DHX15: variants seen among roughly 807,000 people sequenced by gnomAD.
The protein encoded by DHX15 is ATP-dependent RNA helicase DHX15.
A neutral mutation model predicts 94.4 loss-of-function variants in DHX15; 11 were observed. That is an observed-to-expected ratio of 0.12 (90% CI 0.07 to 0.19). DHX15 has a LOEUF of 0.19. DHX15 is among the 10% of genes least tolerant of loss of function. The pLI is 1.00. For missense variants in DHX15, 304 were observed against 988.5 expected, an observed-to-expected ratio of 0.31 and a Z score of 9.29; for synonymous variants, 338 against 329.9, an observed-to-expected ratio of 1.02 and a Z score of -0.27.
chr4:24,546,306 C>G (rs567746057), intron 6 of DHX15, among the ~76,000 whole-genome samples: 3 of 152,302 alleles, frequency 2.0e-5, no homozygotes, highest in African/African-American at 7.2e-5. Flanking sequence ...GCAATGTATG[C>G]TCTGAACCAT....
At chr4:24,549,868 C>T (rs779448759) in intron 5 of DHX15, among the ~76,000 whole-genome samples, 2 of 151,684 alleles carry the variant, frequency 1.3e-5, no homozygotes, top group African/African-American at 2.4e-5. Flanking sequence ...CCGAGGTGGG[C>T]GGATCACCTG....
intron 5 of DHX15, among the ~76,000 whole-genome samples, chr4:24,549,667 A>C (rs1721542253): frequency 6.6e-6 from 1 of 152,204 alleles, no homozygotes; most frequent in Non-Finnish European, 1.5e-5. Context: ...CACGAACCTA[A>C]ACTGTATAGC....
intron 4 of DHX15, 71 bp downstream of exon 4, chr4:24,556,180 A>G: frequency 8.1e-7 from 1 of 1,240,932 alleles, no homozygotes; most frequent in Admixed American, 2.0e-5. Context: ...GTTATTGATC[A>G]GTATGTATTC....
At chr4:24,552,313 G>A (rs1182309945) in intron 5 of DHX15, among the ~76,000 whole-genome samples, 5 of 151,528 alleles carry the variant, frequency 3.3e-5, no homozygotes, top group Admixed American at 2.6e-4. Flanking sequence ...AATTAATCTG[G>A]ACCTTACCAA....
intron 3 of DHX15, among the ~76,000 whole-genome samples, chr4:24,560,986 TG>T (rs1721862579): frequency 6.6e-6 from 1 of 152,220 alleles, no homozygotes; most frequent in Non-Finnish European, 1.5e-5. Flanking sequence ...TCCTTACTGG[TG>T]AGAGTATATA....
At chr4:24,540,726 C>T in intron 9 of DHX15, 114 bp downstream of exon 9, 1 of 584,394 alleles carries the variant, frequency 1.7e-6, no homozygotes, top group Non-Finnish European at 3.0e-6. Flanking sequence ...TTGATGCATA[C>T]TGGATGGAAA....
At chr4:24,570,891 A>G (rs986017731) in intron 2 of DHX15, 44 bp from the exon 3 acceptor site, 2 of 1,581,074 alleles carry the variant, frequency 1.3e-6, no homozygotes, top group Non-Finnish European at 8.7e-7. Flanking sequence ...TTCTGCCTGC[A>G]TATCAAGTAT....
chr4:24,579,064 T>C (rs1008095107), intron 1 of DHX15, among the ~76,000 whole-genome samples: 1 of 152,200 alleles, frequency 6.6e-6, no homozygotes, highest in East Asian at 1.9e-4. Flanking sequence ...AAACAAAGGA[T>C]GTATAAAATA....
intron 11 of DHX15, chr4:24,534,266 G>A (rs1220817421): frequency 6.6e-6 from 1 of 152,148 alleles, no homozygotes; most frequent in Admixed American, 6.5e-5. Flanking sequence ...CTGATGCTCT[G>A]TAACAAGCTG....
chr4:24,544,588 T>C (rs1180189801), intron 6 of DHX15, among the ~76,000 whole-genome samples: 1 of 152,206 alleles, frequency 6.6e-6, no homozygotes. Flanking sequence ...GAAACTTGAA[T>C]AAGCATAACC....
intron 6 of DHX15, among the ~76,000 whole-genome samples, chr4:24,547,794 A>G (rs1171145714): frequency 6.6e-6 from 1 of 151,062 alleles, no homozygotes; most frequent in Non-Finnish European, 1.5e-5. Context: ...TGTTTAAAAA[A>G]AAAAAAAAAT....
chr4:24,531,525 C>T (rs1314362463), intron 12 of DHX15, among the ~76,000 whole-genome samples: 2 of 151,094 alleles, frequency 1.3e-5, no homozygotes, highest in African/African-American at 4.9e-5. Context: ...TCAGCCTGGG[C>T]AACGTGGCGA....
At chr4:24,566,123 A>G (rs1283279614) in intron 3 of DHX15, among the ~76,000 whole-genome samples, 3 of 151,448 alleles carry the variant, frequency 2.0e-5, no homozygotes, top group Non-Finnish European at 2.9e-5. Flanking sequence ...AGCTCACCTC[A>G]GTCTCAAACT....
chr4:24,538,222 C>G (rs755893776), intron 10 of DHX15: 12 of 152,112 alleles, frequency 7.9e-5, no homozygotes, highest in Admixed American at 3.3e-4. Context: ...TGAAAAAATT[C>G]ATAAATTATC....
At chr4:24,534,938 A>G (rs1446002705) in intron 11 of DHX15, among the ~76,000 whole-genome samples, 1 of 146,386 alleles carries the variant, frequency 6.8e-6, no homozygotes, top group Non-Finnish European at 1.5e-5. Flanking sequence ...ACACGTGGGG[A>G]TCTGGCAAAG....
chr4:24,583,251 A>G (rs772017334), intron 1 of DHX15, among the ~76,000 whole-genome samples: 9 of 152,238 alleles, frequency 5.9e-5, no homozygotes, highest in African/African-American at 1.4e-4. Flanking sequence ...CACAAGGGAC[A>G]AGAAATGATT....
intron 12 of DHX15, chr4:24,530,021 T>G (rs1266171062): frequency 2.0e-5 from 11 of 537,518 alleles, no homozygotes; most frequent in Non-Finnish European, 3.3e-5. Flanking sequence ...AGAAAAAATA[T>G]CATACAAAAA....
intron 3 of DHX15, among the ~76,000 whole-genome samples, chr4:24,565,896 T>C (rs1721981526): frequency 2.0e-5 from 3 of 152,066 alleles, no homozygotes; most frequent in African/African-American, 4.8e-5. Context: ...GCTCCATCTT[T>C]TGAAAAAGAA....
chr4:24,535,846 T>C (rs1721186508), intron 11 of DHX15, among the ~76,000 whole-genome samples: 1 of 152,158 alleles, frequency 6.6e-6, no homozygotes, highest in African/African-American at 2.4e-5. Flanking sequence ...ATAACTGAGA[T>C]GTTTATGAGA....
Sources: allele counts gnomAD v4.1 joint callset (sites outside exome capture counted in the v4.1 genomes callset), GRCh38; gene constraint gnomAD v4.1.1; transcripts MANE v1.5; gene names NCBI Gene and HGNC (gene_info 2026-07-23, HGNC 2026-07-21).